The following BIN3 variants were observed in gnomAD, a reference collection of about 807,000 sequenced individuals.
BIN3 encodes the protein bridging integrator 3.
In BIN3, 41 loss-of-function variants were observed where a neutral mutation model predicts 38.2. That is an observed-to-expected ratio of 1.07 (90% CI 0.84 to 1.39). The LOEUF is 1.39. Ranked by LOEUF, BIN3 falls within the 40% of genes most tolerant of loss-of-function variation. The probability of loss-of-function intolerance (pLI) is 0.00; values close to 1 mark genes in which losing one functional copy is unlikely to be tolerated. For missense variants in BIN3, 361 were observed against 324.3 expected (o/e 1.11, Z -0.87); for synonymous variants, 145 against 122.6 (o/e 1.18, Z -1.21).
intron 1 of BIN3, among the ~76,000 whole-genome samples, chr8:22,649,417 T>C (rs1380135670): frequency 8.0e-6 from 1 of 124,308 alleles, no homozygotes; most frequent in East Asian, 2.7e-4. Flanking sequence ...AAACAACTAT[T>C]ACAGAAAAAC....
In BIN3 at chr8:22,650,569, C is replaced by T. The variant is rs528593285; in HGVS notation, c.9-5766G>A. Among the ~76,000 whole-genome samples, 3 of 152,222 alleles carry T rather than the reference C, an allele frequency of 2.0e-5. No homozygotes were observed. The South Asian group carries it at 6.2e-4, about 32-fold the overall frequency. ...TTAATCTAAATTCTATCATTAGTAT[C>T]AAAGTTATAGTGTGCACAGTCTAAT... On this transcript the variant is annotated intron_variant, in intron 1 of 8. Coordinates refer to ENST00000276416, the MANE Select transcript of BIN3 (RefSeq NM_018688.6).
At chr8:22,668,984 G>A (rs1803518016) in intron 1 of BIN3, 60 bp downstream of exon 1, 1 of 1,553,398 alleles carries the variant, frequency 6.4e-7, no homozygotes, top group Non-Finnish European at 8.7e-7. Flanking sequence ...CACTGACACA[G>A]GGCCAGGGGC....
intron 1 of BIN3, among the ~76,000 whole-genome samples, chr8:22,651,142 G>A (rs562811008): frequency 1.3e-5 from 2 of 152,302 alleles, no homozygotes; most frequent in South Asian, 4.1e-4. Flanking sequence ...GGGATAATGT[G>A]TCACGCAGCA....
intron 2 of BIN3, among the ~76,000 whole-genome samples, chr8:22,641,994 C>T (rs1057409176): frequency 2.0e-5 from 3 of 152,090 alleles, no homozygotes; most frequent in African/African-American, 7.2e-5. Flanking sequence ...TTCTAATGGT[C>T]AGCCCCAGCA....
At position 22,621,378 on chromosome 8, in the gene BIN3, T is replaced by C. The variant is rs1476701888; in HGVS notation, c.*44A>G. ...TAGCCCTGAGAAGGGCAAGGATGAA[T>C]GAGGCTGACCACGTCACAGGAGTCC... On this transcript the variant is annotated 3_prime_UTR_variant, in exon 9 of 9. Coordinates refer to ENST00000276416, the MANE Select transcript of BIN3 (RefSeq NM_018688.6). The C allele has an allele frequency of 3.2e-6, 5 of 1,586,854 alleles. No individual in the cohort carries two copies. The African/African-American group carries it at 4.0e-5, about 13-fold the overall frequency.
At chr8:22,648,599 C>T (rs953526024) in intron 1 of BIN3, among the ~76,000 whole-genome samples, 19 of 152,186 alleles carry the variant, frequency 1.2e-4, no homozygotes, top group African/African-American at 4.1e-4. Flanking sequence ...GTCAACATGC[C>T]TTACCCTGCT....
intron 2 of BIN3, among the ~76,000 whole-genome samples, chr8:22,641,738 C>T (rs1387758011): frequency 6.6e-6 from 1 of 152,204 alleles, no homozygotes; most frequent in African/African-American, 2.4e-5. Flanking sequence ...TGCAGAGCAC[C>T]CACCTGGCTA....
chr8:22,637,094 C>T (rs1802391922), intron 2 of BIN3, 132 bp from the exon 3 acceptor site: 4 of 764,530 alleles, frequency 5.2e-6, no homozygotes, highest in Non-Finnish European at 9.1e-6. Flanking sequence ...CACACAAGCA[C>T]CGACAGATCG....
At chr8:22,640,206 C>T (rs1802502334) in intron 2 of BIN3, among the ~76,000 whole-genome samples, 1 of 151,286 alleles carries the variant, frequency 6.6e-6, no homozygotes, top group Non-Finnish European at 1.5e-5. Flanking sequence ...GAGACAGAGT[C>T]TCACTCTGTC....
chr8:22,631,637 T>C (rs988015137), intron 4 of BIN3, among the ~76,000 whole-genome samples: 1 of 152,236 alleles, frequency 6.6e-6, no homozygotes, highest in Non-Finnish European at 1.5e-5. Flanking sequence ...GCTCTCCTTC[T>C]GATCTGGCCT....
At chr8:22,636,435 A>G in intron 4 of BIN3, 90 bp downstream of exon 4, 1 of 1,363,456 alleles carries the variant, frequency 7.3e-7, no homozygotes, top group South Asian at 1.3e-5. Flanking sequence ...TGAGCGCAGC[A>G]ACTTCAGAGC....
rs573846542 is a variant in BIN3, at chr8:22,665,481, C to T, written c.8+3563G>A. ...CAGATGCTGATGAAGGTCAGAAGAG[C>T]GGCACCCAGTGCAGCATGGCAGGGT... On this transcript the variant is annotated intron_variant, in intron 1 of 8. Coordinates refer to ENST00000276416, the MANE Select transcript of BIN3 (RefSeq NM_018688.6). Among the ~76,000 whole-genome samples the T allele has an allele frequency of 9.1e-4, 138 of 152,164 alleles. 3 individuals are homozygous for T. Among genetic ancestry groups the T allele is most frequent in the Non-Finnish European group, 8.5e-4 (58 of 68,024 alleles).
At chr8:22,627,946 C>A (rs778346413) in intron 6 of BIN3, among the ~76,000 whole-genome samples, 1 of 152,242 alleles carries the variant, frequency 6.6e-6, no homozygotes, top group African/African-American at 2.4e-5. Context: ...AGAAGGGGGC[C>A]GGGCTGGGCC....
chr8:22,633,133 C>T (rs1802260911), intron 4 of BIN3, among the ~76,000 whole-genome samples: 1 of 152,188 alleles, frequency 6.6e-6, no homozygotes, highest in Admixed American at 6.5e-5. Flanking sequence ...GATGCCCCCG[C>T]TTCATGTGAG....
chr8:22,663,433 A>C (rs1387061438), intron 1 of BIN3, among the ~76,000 whole-genome samples: 1 of 101,064 alleles, frequency 9.9e-6, no homozygotes, highest in African/African-American at 4.1e-5. Flanking sequence ...AGACCCCCCG[A>C]TTTGTTTAAA....
At position 22,661,518 on chromosome 8, in the gene BIN3, T is replaced by A. The variant is rs568953777; in HGVS notation, c.8+7526A>T. Among the ~76,000 whole-genome samples the A allele has an allele frequency of 3.3e-5, 5 of 150,916 alleles. No homozygotes were observed. The East Asian group carries it at 8.0e-4, about 24-fold the overall frequency. On this transcript the variant is annotated intron_variant, in intron 1 of 8. Transcript: ENST00000276416. ...GATTACAGGCGTGCACCACCACGCC[T>A]GGCTAATCTTTGTATTTTTAGTAGA... is the stretch of plus-strand genomic sequence containing the variant.
intron 1 of BIN3, among the ~76,000 whole-genome samples, chr8:22,664,996 C>T (rs148372800): frequency 6.6e-6 from 1 of 152,312 alleles, no homozygotes; most frequent in Non-Finnish European, 1.5e-5. Context: ...ACCCACTATG[C>T]GTACAAAAAG....
At chr8:22,664,003 A>G (rs938599239) in intron 1 of BIN3, among the ~76,000 whole-genome samples, 1 of 152,248 alleles carries the variant, frequency 6.6e-6, no homozygotes, top group Non-Finnish European at 1.5e-5. Context: ...GTTCCTCAAC[A>G]TTTAGCACAG....
intron 1 of BIN3, among the ~76,000 whole-genome samples, chr8:22,648,876 T>C (rs914662841): frequency 2.6e-5 from 4 of 151,756 alleles, no homozygotes; most frequent in Non-Finnish European, 5.9e-5. Flanking sequence ...CTGTGTCCCT[T>C]TGACATATCC....
Sources: gnomAD v4.1 joint callset for allele counts (sites outside exome capture counted in the v4.1 genomes callset) on GRCh38, gnomAD v4.1.1 for gene constraint, MANE v1.5 for transcripts, NCBI Gene and HGNC (gene_info 2026-07-23, HGNC 2026-07-21) for gene names.